NHSL2: variants seen among roughly 807,000 people sequenced by gnomAD.
The protein encoded by NHSL2 is NHS like 2.
NHSL2 carries 27 observed loss-of-function variants against 53.4 expected under a neutral mutation model. The observed-to-expected ratio is 0.51, with a 90% CI of 0.37 to 0.70. NHSL2 has a LOEUF of 0.70. Among genes scored for constraint, NHSL2 ranks in the 30% least tolerant of loss-of-function variants. The pLI is 0.00. For missense variants in NHSL2, 892 were observed against 980.1 expected, an observed-to-expected ratio of 0.91 and a Z score of 1.20; for synonymous variants, 408 against 404.1, an observed-to-expected ratio of 1.01 and a Z score of -0.12.
chrX:71,928,808 C>T (rs912103940), intron 1 of NHSL2, among the ~76,000 whole-genome samples: 1 of 111,170 alleles, frequency 9.0e-6, no homozygotes, highest in East Asian at 2.8e-4. Flanking sequence ...AACTAAGGCC[C>T]GGAGAAATGA....
At chrX:71,985,377 G>A (rs920961774) in intron 1 of NHSL2, among the ~76,000 whole-genome samples, 1 of 112,221 alleles carries the variant, frequency 8.9e-6, no homozygotes, top group African/African-American at 3.2e-5. Context: ...TATAAGTCAA[G>A]TTTGATTCCT....
intron 1 of NHSL2, among the ~76,000 whole-genome samples, chrX:72,025,408 C>T (rs911129167): frequency 1.8e-5 from 2 of 111,723 alleles, no homozygotes; most frequent in Non-Finnish European, 3.8e-5. Flanking sequence ...CCAGGCACCT[C>T]ACCTATGCAC....
intron 1 of NHSL2, among the ~76,000 whole-genome samples, chrX:71,967,838 A>T (rs770712544): frequency 4.5e-5 from 5 of 110,561 alleles, no homozygotes; most frequent in Non-Finnish European, 7.6e-5. Flanking sequence ...CTCTGTGTTC[A>T]TCTGTCTGTC....
chrX:71,939,156 T>C (rs1414007240), intron 1 of NHSL2, among the ~76,000 whole-genome samples: 2 of 110,983 alleles, frequency 1.8e-5, no homozygotes, highest in African/African-American at 6.6e-5. Context: ...GGTAGCCAGG[T>C]GAAGGCAGGT....
intron 1 of NHSL2, among the ~76,000 whole-genome samples, chrX:71,971,379 A>ATT (rs971482904): frequency 1.8e-5 from 2 of 111,902 alleles, no homozygotes; most frequent in African/African-American, 6.5e-5. Flanking sequence ...GGTTACAGTT[A>ATT]TTACTTTATG....
intron 2 of NHSL2, among the ~76,000 whole-genome samples, chrX:72,133,045 G>A (rs1179517032): frequency 1.8e-5 from 2 of 112,689 alleles, no homozygotes; most frequent in African/African-American, 6.5e-5. Context: ...TGAGCCTTGT[G>A]TTCAGATAAC....
intron 1 of NHSL2, among the ~76,000 whole-genome samples, chrX:72,105,945 C>G (rs985995890): frequency 8.9e-6 from 1 of 111,896 alleles, no homozygotes; most frequent in Non-Finnish European, 1.9e-5. Context: ...CGCGGTGGCT[C>G]ACGCCTGTAA....
At chrX:71,935,527 G>A (rs959278224) in intron 1 of NHSL2, among the ~76,000 whole-genome samples, 4 of 113,012 alleles carry the variant, frequency 3.5e-5, no homozygotes, top group Admixed American at 9.3e-5. Context: ...TGTGGAAAAC[G>A]AAATAAAATG....
intron 2 of NHSL2, 177 bp from the exon 3 acceptor site, chrX:72,133,913 TG>T: frequency 2.3e-6 from 1 of 442,404 alleles, no homozygotes; most frequent in Non-Finnish European, 3.9e-6. Context: ...CTCATGGTCC[TG>T]GGAAGCAAGC....
chrX:71,954,081 C>G (rs2041832224), intron 1 of NHSL2, among the ~76,000 whole-genome samples: 1 of 112,435 alleles, frequency 8.9e-6, no homozygotes, highest in African/African-American at 3.2e-5. Flanking sequence ...CTACTCCTTG[C>G]TCCATTATGT....
intron 4 of NHSL2, among the ~76,000 whole-genome samples, chrX:72,135,437 C>T (rs1420475187): frequency 9.0e-6 from 1 of 111,462 alleles, no homozygotes; most frequent in East Asian, 2.8e-4. Flanking sequence ...GAGGGCCAGT[C>T]ATTTGAGAAG....
At chrX:71,925,928 ATG>A (rs1357395330) in intron 1 of NHSL2, among the ~76,000 whole-genome samples, 1 of 111,725 alleles carries the variant, frequency 9.0e-6, no homozygotes, top group Non-Finnish European at 1.9e-5. Flanking sequence ...CAGAAAAGAA[ATG>A]TGTTTTTACC....
At chrX:71,965,787 T>C (rs923717649) in intron 1 of NHSL2, among the ~76,000 whole-genome samples, 3 of 112,484 alleles carry the variant, frequency 2.7e-5, no homozygotes, top group Admixed American at 9.4e-5. Flanking sequence ...TCTTTCATCA[T>C]AGTTTTGTAG....
intron 1 of NHSL2, among the ~76,000 whole-genome samples, chrX:71,918,868 A>G (rs1403912958): frequency 3.6e-5 from 4 of 112,492 alleles, no homozygotes; most frequent in Non-Finnish European, 7.5e-5. Context: ...TCCTAGGTCT[A>G]TGTGATAGAC....
In NHSL2 at chrX:72,147,303, T is replaced by A. The variant is rs2042471582; in HGVS notation, c.*3729T>A. The A allele has an allele frequency of 8.9e-6, 1 of 111,968 alleles. No individual in the cohort carries two copies. Among genetic ancestry groups the A allele is most frequent in the African/African-American group, 3.3e-5 (1 of 30,744 alleles). The allele number at this position is 111,968 out of a possible 1,213,427, so 9.2% of individuals were successfully genotyped here. A position where few individuals can be genotyped will look rare whatever the true frequency, so the allele number is the denominator to read the frequency against. On this transcript the variant is annotated 3_prime_UTR_variant, in exon 8 of 8. Transcript: ENST00000633930. The stretch of plus-strand genomic sequence containing the variant: ...ACTAGGGTGAGGTGAGCGAGGCACC[T>A]AGGGCGTAAAATTCAAAGAGGTGCC...
In NHSL2 at chrX:71,989,721, C is replaced by T. The variant is rs745987126; in HGVS notation, c.280+78354C>T. 1.2e-4 allele frequency among the ~76,000 whole-genome samples: 13 copies of T among 112,655 alleles called. No individual in the cohort carries two copies. The South Asian group carries it at 4.7e-3, about 41-fold the overall frequency. ...AGTGATTCCTGCTCATTCACCAATG[C>T]TGCAGCCTCTTCCCAGAGGGCAAAG... On this transcript the variant is annotated intron_variant, in intron 1 of 7. Transcript: ENST00000633930.
intron 1 of NHSL2, among the ~76,000 whole-genome samples, chrX:72,037,959 C>T (rs764276563): frequency 2.7e-5 from 3 of 111,741 alleles, no homozygotes; most frequent in African/African-American, 6.5e-5. Flanking sequence ...AGTGGAGGGT[C>T]GAGAAATGTT....
intron 1 of NHSL2, among the ~76,000 whole-genome samples, chrX:71,931,856 G>C (rs1287862631): frequency 8.9e-6 from 1 of 112,879 alleles, no homozygotes; most frequent in Non-Finnish European, 1.9e-5. Context: ...TTTCAAGATT[G>C]TTTTGGCTAT....
chrX:71,980,913 G>A (rs900826043), intron 1 of NHSL2, among the ~76,000 whole-genome samples: 1 of 111,613 alleles, frequency 9.0e-6, no homozygotes, highest in Admixed American at 9.5e-5. Context: ...ATTTTCCCTA[G>A]ACCCAATTCT....
Sources: allele counts gnomAD v4.1 joint callset (sites outside exome capture counted in the v4.1 genomes callset), GRCh38; gene constraint gnomAD v4.1.1; transcripts MANE v1.5; gene names NCBI Gene and HGNC (gene_info 2026-07-23, HGNC 2026-07-21).